The following SRGAP1 variants were observed in gnomAD, a reference collection of about 807,000 sequenced individuals.
The protein encoded by SRGAP1 is SLIT-ROBO Rho GTPase-activating protein 1.
In SRGAP1, 43 loss-of-function variants were observed where a neutral mutation model predicts 121.9. That is an observed-to-expected ratio of 0.35 (90% CI 0.28 to 0.46). The LOEUF (loss-of-function observed/expected upper bound fraction) is 0.46. Ranked by LOEUF, SRGAP1 falls within the 20% of genes least tolerant of loss-of-function variation. SRGAP1 has a pLI of 1.00. For synonymous variants in SRGAP1, 447 were observed against 485.4 expected (o/e 0.92, Z 1.04); for missense variants, 1,102 against 1,350.9 (o/e 0.82, Z 2.89).
chr12:63,934,513 A>T (rs2031592229), intron 1 of SRGAP1, among the ~76,000 whole-genome samples: 1 of 152,152 alleles, frequency 6.6e-6, no homozygotes, highest in Non-Finnish European at 1.5e-5. Flanking sequence ...TTACAGCTCC[A>T]TTGTTTGCTA....
chr12:64,095,257 C>T, intron 14 of SRGAP1, 53 bp downstream of exon 14: 1 of 1,525,222 alleles, frequency 6.6e-7, no homozygotes, highest in Non-Finnish European at 9.1e-7. Flanking sequence ...TCATCATGTT[C>T]TGTAAACTGA....
intron 15 of SRGAP1, among the ~76,000 whole-genome samples, chr12:64,106,633 CTGGGTGGAAATGT>C (rs1274184356): frequency 1.3e-5 from 2 of 152,166 alleles, no homozygotes; most frequent in Admixed American, 6.5e-5. Context: ...CAGGACCAAA[CTGGGTGGAAATGT>C]TGATAACTTA....
At position 64,128,068 on chromosome 12, in the gene SRGAP1, C is replaced by T. The variant is rs114501426; in HGVS notation, c.2748C>T (p.Gly916=). ...SPERRRRPGH[G]SLTNISRHDS... is the part of the protein sequence containing the mutation. ...AGCGGAGGCGCAGGCCTGGCCATGG[C>T]AGCCTGACCAACATCAGCCGGCACG... The change falls in exon 21 of 22, where the codon GGC becomes GGT. Residue 916 remains glycine, a synonymous_variant. Coordinates refer to ENST00000355086, the MANE Select transcript of SRGAP1 (RefSeq NM_020762.4). 3 of 1,614,168 alleles carry T rather than the reference C, an allele frequency of 1.9e-6. No individual in the cohort carries two copies. The highest frequency in any genetic ancestry group is 4.5e-5 in the East Asian group (2 of 44,876).
At chr12:64,091,915 A>T in intron 12 of SRGAP1, 1 of 1,535,912 alleles carries the variant, frequency 6.5e-7, no homozygotes, top group Non-Finnish European at 8.7e-7. Flanking sequence ...AAACTCGCAC[A>T]CAAGACATCA....
chr12:63,948,075 C>T (rs2032106232), intron 1 of SRGAP1, among the ~76,000 whole-genome samples: 1 of 151,956 alleles, frequency 6.6e-6, no homozygotes, highest in Admixed American at 6.6e-5. Context: ...CCGCAGACAT[C>T]ACCTTAGCAA....
At chr12:63,991,001 A>G (rs1565626071) in intron 3 of SRGAP1, among the ~76,000 whole-genome samples, 1 of 152,184 alleles carries the variant, frequency 6.6e-6, no homozygotes, top group Non-Finnish European at 1.5e-5. Flanking sequence ...AAGTTTTCTA[A>G]TCGTTGTTAC....
chr12:64,041,875 A>AT (rs2035032798), intron 4 of SRGAP1, among the ~76,000 whole-genome samples: 1 of 138,624 alleles, frequency 7.2e-6, no homozygotes, highest in Non-Finnish European at 1.5e-5. Context: ...ATTTTCTTTT[A>AT]TATTATTATT....
chr12:63,932,782 C>T (rs189775035), intron 1 of SRGAP1, among the ~76,000 whole-genome samples: 104 of 152,284 alleles, frequency 6.8e-4, no homozygotes, highest in Non-Finnish European at 1.0e-3. Flanking sequence ...AAGGAGACTG[C>T]GTTCTTTGCC....
intron 1 of SRGAP1, among the ~76,000 whole-genome samples, chr12:63,894,497 A>G (rs1900688859): frequency 1.3e-5 from 2 of 150,874 alleles, no homozygotes; most frequent in South Asian, 4.2e-4. Context: ...TTATACTTCA[A>G]GTTCTAGGGT....
intron 1 of SRGAP1, among the ~76,000 whole-genome samples, chr12:63,975,066 A>G (rs1311070273): frequency 2.0e-5 from 3 of 152,336 alleles, no homozygotes; most frequent in East Asian, 3.9e-4. Context: ...TACATTTAAT[A>G]ATTGGCCAGC....
intron 6 of SRGAP1, among the ~76,000 whole-genome samples, chr12:64,059,067 C>T (rs1450435498): frequency 6.6e-6 from 1 of 152,068 alleles, no homozygotes; most frequent in Non-Finnish European, 1.5e-5. Context: ...ACTCAAAGCT[C>T]AGAAGACACC....
At chr12:64,131,958 C>T (rs1341847678) in intron 21 of SRGAP1, among the ~76,000 whole-genome samples, 1 of 152,230 alleles carries the variant, frequency 6.6e-6, no homozygotes, top group East Asian at 1.9e-4. Flanking sequence ...GGGTAGATCA[C>T]GAGGTCAGGA....
intron 15 of SRGAP1, among the ~76,000 whole-genome samples, chr12:64,099,517 T>G (rs1447189284): frequency 6.6e-6 from 1 of 152,200 alleles, no homozygotes; most frequent in Non-Finnish European, 1.5e-5. Context: ...TTGGCTCCAG[T>G]TGGGTATGAA....
At chr12:63,951,152 CTTTTTTTTTTTTTTT>C (rs58637983) in intron 1 of SRGAP1, among the ~76,000 whole-genome samples, 7 of 44,186 alleles carry the variant, frequency 1.6e-4, no homozygotes, top group Admixed American at 1.6e-3. Context: ...ATTTAGAACT[CTTTTTTTTTTTTTTT>C]TTTTTTTTTT....
chr12:64,115,948 C>T, intron 18 of SRGAP1, 55 bp downstream of exon 18: 12 of 1,479,212 alleles, frequency 8.1e-6, no homozygotes, highest in Non-Finnish European at 1.1e-5. Flanking sequence ...CTATTGTAAA[C>T]AATTGCTTGT....
chr12:64,127,921 C>T lies in SRGAP1; in HGVS notation c.2601C>T (p.Gly867=). 6.2e-7 allele frequency: 1 copy of T among 1,614,160 alleles called. No homozygotes were observed. The change falls in exon 21 of 22, where the codon GGC becomes GGT. Residue 867 remains glycine (G), a synonymous_variant. Transcript: ENST00000355086. ...PVRRPGRTSD[G]HCPLHPPHAL... is the part of the protein sequence containing the mutation. ...GGCGTCCTGGCAGGACCAGTGATGGCCATTGCCCGCTCCACCCTCCACATG... is the reference window on the plus strand; with the variant it reads ...GGCGTCCTGGCAGGACCAGTGATGGTCATTGCCCGCTCCACCCTCCACATG...
intron 4 of SRGAP1, among the ~76,000 whole-genome samples, chr12:64,039,872 T>G (rs995438368): frequency 6.6e-6 from 1 of 152,134 alleles, no homozygotes; most frequent in Non-Finnish European, 1.5e-5. Flanking sequence ...TTTATTTTGC[T>G]TTTAAACTGG....
intron 21 of SRGAP1, among the ~76,000 whole-genome samples, chr12:64,137,988 T>C (rs1341044230): frequency 6.9e-6 from 1 of 143,942 alleles, no homozygotes; most frequent in Non-Finnish European, 1.5e-5. Context: ...ATATAAAAAA[T>C]AATAAAATTG....
Position 63,850,305 on chromosome 12 carries a change from C to T in SRGAP1, c.67+5422C>T, listed in dbSNP as rs563637035. On this transcript the variant is annotated intron_variant, in intron 1 of 21. Coordinates refer to ENST00000355086, the MANE Select transcript of SRGAP1 (RefSeq NM_020762.4). ...AACACATGAGGGCTGGATTATAATA[C>T]AGGGTAGTAAATCTCAGCTCTGACA... Among the ~76,000 whole-genome samples the T allele has an allele frequency of 5.9e-5, 9 of 152,244 alleles. No homozygotes were observed. The South Asian group carries it at 1.9e-3, about 32-fold the overall frequency.
Sources: gnomAD v4.1 joint callset for allele counts (sites outside exome capture counted in the v4.1 genomes callset) on GRCh38, gnomAD v4.1.1 for gene constraint, MANE v1.5 for transcripts, NCBI Gene and HGNC (gene_info 2026-07-23, HGNC 2026-07-21) for gene names.